Variants in TENM4 observed in about 807,000 individuals in gnomAD.
The protein encoded by TENM4 is teneurin transmembrane protein 4, also known as teneurin-4.
A neutral mutation model predicts 243.3 loss-of-function variants in TENM4; 82 were observed. The ratio of observed to expected loss-of-function variants is 0.34; its 90% CI spans 0.28 to 0.40. TENM4 has a LOEUF of 0.40. TENM4 is among the 10% of genes least tolerant of loss of function. The probability of loss-of-function intolerance (pLI) is 1.00; values close to 1 mark genes in which losing one functional copy is unlikely to be tolerated. For missense variants in TENM4, 3,138 were observed against 3,673.3 expected (o/e 0.85, Z 3.77); for synonymous variants, 1,412 against 1,456.3 (o/e 0.97, Z 0.69).
intron 1 of TENM4, among the ~76,000 whole-genome samples, chr11:79,381,109 C>T (rs78055668): frequency 3.0e-3 from 452 of 152,196 alleles, no homozygotes; most frequent in African/African-American, 0.01. Context: ...GTGCATGATC[C>T]GTGCAGGTCA....
rs1398298634 is a variant in TENM4, at chr11:78,672,092, G to A, written c.5734C>T (p.Arg1912Cys). Residue 1912 changes from arginine (R) to cysteine (C), a missense_variant, in exon 31 of 34, where the codon CGC (arginine) becomes TGC (cysteine). Physicochemically the swap from Arg to Cys is radical, Grantham distance 180 (BLOSUM62 -3). Transcript: ENST00000278550. ...SERMEYDQAG[R>C]ITSRIFADGK... ...TCAGCGAAGATCCTGGATGTGATGC[G>A]GCCCGCCTGGTCGTATTCCATTCTT... The A allele has an allele frequency of 5.6e-6, 9 of 1,613,852 alleles. No homozygotes were observed. Among genetic ancestry groups the A allele is most frequent in the African/African-American group, 4.0e-5 (3 of 74,930 alleles).
chr11:78,951,781 C>T (rs556113358), intron 6 of TENM4, among the ~76,000 whole-genome samples: 1 of 152,218 alleles, frequency 6.6e-6, no homozygotes, highest in African/African-American at 2.4e-5. Context: ...TCTCTGATGC[C>T]ATCACATAGA....
intron 16 of TENM4, among the ~76,000 whole-genome samples, chr11:78,783,013 A>T (rs989134417): frequency 6.6e-6 from 1 of 152,164 alleles, no homozygotes; most frequent in African/African-American, 2.4e-5. Context: ...CTTTAGAGTC[A>T]AGCTGGAATT....
chr11:78,865,232 T>C (rs1858939423), intron 9 of TENM4, among the ~76,000 whole-genome samples: 1 of 152,240 alleles, frequency 6.6e-6, no homozygotes, highest in Non-Finnish European at 1.5e-5. Flanking sequence ...CTATGAGGTA[T>C]TAATAACCCC....
chr11:78,905,929 A>ACAGACAG (rs1856054323), intron 6 of TENM4, among the ~76,000 whole-genome samples: 1 of 152,244 alleles, frequency 6.6e-6, no homozygotes, highest in East Asian at 1.9e-4. Flanking sequence ...CCTGGGACAG[A>ACAGACAG]AGCCAGCAGC....
At chr11:79,232,339 C>T (rs1864388525) in intron 2 of TENM4, among the ~76,000 whole-genome samples, 2 of 152,234 alleles carry the variant, frequency 1.3e-5, no homozygotes, top group African/African-American at 2.4e-5. Context: ...GCCAAGAGAG[C>T]ATGCTGGGGC....
At chr11:78,766,706 A>AT (rs10678115) in intron 18 of TENM4, among the ~76,000 whole-genome samples, 115,879 of 144,228 alleles carry the variant, frequency 0.8, 47,331 homozygotes, top group Non-Finnish European at 0.9. Context: ...GGCTCCCCCA[A>AT]TTTTTTTTTT....
At chr11:79,171,685 A>G (rs532859423) in intron 3 of TENM4, among the ~76,000 whole-genome samples, 2 of 152,306 alleles carry the variant, frequency 1.3e-5, no homozygotes, top group South Asian at 2.1e-4. Flanking sequence ...GAATAAATGG[A>G]TAAGAATTTA....
intron 4 of TENM4, among the ~76,000 whole-genome samples, chr11:79,082,240 C>A (rs1294653671): frequency 6.6e-6 from 1 of 152,172 alleles, no homozygotes; most frequent in African/African-American, 2.4e-5. Flanking sequence ...CCTTTGCGAG[C>A]CAACCCTCTC....
At chr11:78,870,729 C>T (rs1274656771) in intron 9 of TENM4, among the ~76,000 whole-genome samples, 4 of 152,002 alleles carry the variant, frequency 2.6e-5, no homozygotes, top group African/African-American at 7.2e-5. Context: ...TAAATCATGG[C>T]GGAGTTGGTC....
chr11:78,964,346 T>C (rs545596953), intron 6 of TENM4, among the ~76,000 whole-genome samples: 1 of 152,224 alleles, frequency 6.6e-6, no homozygotes, highest in African/African-American at 2.4e-5. Context: ...TGGCCCCAGG[T>C]TCCATGACTC....
intron 4 of TENM4, among the ~76,000 whole-genome samples, chr11:79,144,142 G>T (rs1023442520): frequency 1.3e-5 from 2 of 152,006 alleles, no homozygotes; most frequent in African/African-American, 4.8e-5. Flanking sequence ...GTAAACAAAA[G>T]ATCTGAATAG....
At chr11:78,991,175 A>T (rs1337425448) in intron 6 of TENM4, among the ~76,000 whole-genome samples, 1 of 152,192 alleles carries the variant, frequency 6.6e-6, no homozygotes, top group Non-Finnish European at 1.5e-5. Flanking sequence ...ACTGAAGCTG[A>T]GAATGCTAAG....
intron 2 of TENM4, among the ~76,000 whole-genome samples, chr11:79,240,906 C>T (rs979776944): frequency 1.3e-5 from 2 of 152,152 alleles, no homozygotes; most frequent in Non-Finnish European, 2.9e-5. Flanking sequence ...TAGAGTACCA[C>T]AGCACCTTGT....
At chr11:79,016,600 G>T (rs774044995) in intron 6 of TENM4, among the ~76,000 whole-genome samples, 1 of 152,102 alleles carries the variant, frequency 6.6e-6, no homozygotes, top group Admixed American at 6.6e-5. Flanking sequence ...ATACACATTC[G>T]GTTGATATTT....
chr11:78,936,415 G>T (rs957710147), intron 6 of TENM4, among the ~76,000 whole-genome samples: 1 of 152,180 alleles, frequency 6.6e-6, no homozygotes, highest in Admixed American at 6.5e-5. Flanking sequence ...CTTAAAGGGT[G>T]CAATTAACTC....
Position 78,756,978 on chromosome 11 carries a change from G to A in TENM4, c.2583C>T (p.Pro861=), listed in dbSNP as rs758802486. 2.2e-5 allele frequency: 36 copies of A among 1,613,856 alleles called. No homozygotes were observed. The highest frequency in any genetic ancestry group is 3.0e-5 in the Non-Finnish European group (35 of 1,179,900). The part of the protein sequence containing the change: ...DCMDPDCCLQ[P]LCHINPLCLG... The stretch of plus-strand genomic sequence containing the variant: ...GGCACAGCGGGTTGATATGGCACAG[G>A]GGCTGGAGGCAGCAGTCAGGGTCCA... The change falls in exon 19 of 34, where the codon CCC becomes CCT. Residue 861 remains proline (P), a synonymous_variant. Transcript: ENST00000278550.
intron 3 of TENM4, among the ~76,000 whole-genome samples, chr11:79,184,551 G>T (rs1863348308): frequency 6.7e-6 from 1 of 149,092 alleles, no homozygotes; most frequent in South Asian, 2.1e-4. Context: ...GGGTGTGGGG[G>T]TGGAGGTTAG....
intron 19 of TENM4, among the ~76,000 whole-genome samples, chr11:78,754,589 GA>G (rs1378478062): frequency 6.6e-6 from 1 of 152,148 alleles, no homozygotes. Flanking sequence ...TCCTTGGTAG[GA>G]ATATTAGCTA....
Sources: gnomAD v4.1 joint callset for allele counts (sites outside exome capture counted in the v4.1 genomes callset) on GRCh38, gnomAD v4.1.1 for gene constraint, MANE v1.5 for transcripts, NCBI Gene and HGNC (gene_info 2026-07-23, HGNC 2026-07-21) for gene names.